The following CACNA1B variants were observed in gnomAD, a reference collection of about 807,000 sequenced individuals.
The protein encoded by CACNA1B is calcium voltage-gated channel subunit alpha1 B.
Under a neutral mutation model 247.2 loss-of-function variants are expected in CACNA1B, and 70 were observed. The observed-to-expected ratio is 0.28, with a 90% CI of 0.23 to 0.35. The LOEUF is 0.35. Among genes scored for constraint, CACNA1B ranks in the 10% least tolerant of loss-of-function variants. CACNA1B has a pLI of 1.00. For missense variants in CACNA1B, 2,367 were observed against 3,197.4 expected (o/e 0.74, Z 6.26); for synonymous variants, 1,231 against 1,294.4 (o/e 0.95, Z 1.05).
In CACNA1B at chr9:138,102,699, A is replaced by G; in HGVS notation, c.5223-12A>G. 1 of 1,586,578 alleles carries G rather than the reference A, an allele frequency of 6.3e-7. No individual in the cohort carries two copies. Among genetic ancestry groups the G allele is most frequent in the African/African-American group, 1.4e-5 (1 of 74,062 alleles). ...CCCACTGTGCCCTGGCCTCGCTGGG[A>G]CGGGTTTCCAGTGGGCGCATCAGTT... On this transcript the variant is annotated splice_polypyrimidine_tract_variant and intron_variant, in intron 37 of 46. Transcript: ENST00000371372. The surrounding 1 kb of genome is among the most constrained non-coding windows in gnomAD (Gnocchi z 5.4).
At chr9:138,080,995 A>G (rs1176726589) in intron 36 of CACNA1B, among the ~76,000 whole-genome samples, 10 of 152,214 alleles carry the variant, frequency 6.6e-5, no homozygotes. Context: ...TCATCTCCTG[A>G]TCCCTCCGAA....
chr9:137,980,005 C>T (rs949622938), intron 12 of CACNA1B, among the ~76,000 whole-genome samples: 26 of 152,304 alleles, frequency 1.7e-4, no homozygotes, highest in South Asian at 1.0e-3. Flanking sequence ...GACAGGAAGC[C>T]CTCTGGGCTC....
At chr9:138,111,048 C>A (rs985762295) in intron 39 of CACNA1B, among the ~76,000 whole-genome samples, 5 of 151,444 alleles carry the variant, frequency 3.3e-5, no homozygotes, top group African/African-American at 9.7e-5. Context: ...TTCAGAATGA[C>A]AATACTTAGT....
rs769016773 is a variant in CACNA1B at position 138,057,718 on chromosome 9, G to A, written c.3969-14G>A. On this transcript the variant is annotated splice_polypyrimidine_tract_variant and intron_variant, in intron 26 of 46. Coordinates refer to ENST00000371372, the MANE Select transcript of CACNA1B (RefSeq NM_000718.4). This position sits in a 1 kb window ranked among gnomAD's most constrained non-coding sequence, Gnocchi z 4.0. ...TTGTCTTTGCCCTCTAACCTCCCAT[G>A]TTCTCATTCCTAGGGGTCAGTATTT... 3.4e-5 allele frequency: 55 copies of A among 1,600,148 alleles called. No homozygotes were observed. Among genetic ancestry groups the A allele is most frequent in the Non-Finnish European group, 4.3e-5 (50 of 1,168,904 alleles).
chr9:137,920,887 G>A (rs1023329075), intron 6 of CACNA1B, among the ~76,000 whole-genome samples: 2 of 152,176 alleles, frequency 1.3e-5, no homozygotes, highest in African/African-American at 2.4e-5. Flanking sequence ...AGGGAGAATC[G>A]GGAGACACGA....
chr9:138,092,183 G>A (rs751428760), intron 36 of CACNA1B, among the ~76,000 whole-genome samples: 3 of 152,154 alleles, frequency 2.0e-5, no homozygotes, highest in Non-Finnish European at 4.4e-5. Context: ...CAGGAAACCT[G>A]GTTTGAGAGC....
rs754123154 is a variant in CACNA1B at position 137,963,823 on chromosome 9, G to A, written c.1333+6136G>A. Among the ~76,000 whole-genome samples the A allele has an allele frequency of 4.6e-5, 7 of 152,132 alleles. No homozygotes were observed. The South Asian group carries it at 6.2e-4, about 14-fold the overall frequency. ...GTTTACTTCAGTTTGTTTTTGCAGC[G>A]GCTAGTAATGGTTTTTCCTTTCCAT... On this transcript the variant is annotated intron_variant, in intron 10 of 46. Coordinates refer to ENST00000371372, the MANE Select transcript of CACNA1B (RefSeq NM_000718.4).
rs532901195 is a variant in CACNA1B at position 137,920,302 on chromosome 9, T to G, written c.966+2871T>G. ...ACCTCTGCCTCCTTGGTTCAAGTGA[T>G]TCTCATGCCTCAGCCTCCTAAGTAG... On this transcript the variant is annotated intron_variant, in intron 6 of 46. Coordinates refer to ENST00000371372, the MANE Select transcript of CACNA1B (RefSeq NM_000718.4). 5.3e-5 allele frequency among the ~76,000 whole-genome samples: 8 copies of G among 152,326 alleles called. No homozygotes were observed. The East Asian group carries it at 1.5e-3, about 29-fold the overall frequency.
intron 6 of CACNA1B, among the ~76,000 whole-genome samples, chr9:137,933,661 G>T (rs934510485): frequency 6.6e-6 from 1 of 152,206 alleles, no homozygotes; most frequent in Non-Finnish European, 1.5e-5. Context: ...GATTGGGCTG[G>T]GATCAGGATG....
chr9:138,052,223 TGTGTGTGTGTGCGTGTGTGTGTGTGC>T lies in CACNA1B; in HGVS notation c.3807+47_3807+72del. On this transcript the variant is annotated intron_variant, in intron 25 of 46. Coordinates refer to ENST00000371372, the MANE Select transcript of CACNA1B (RefSeq NM_000718.4). This position sits in a 1 kb window ranked among gnomAD's most constrained non-coding sequence, Gnocchi z 5.1. ...TGGAGTTGGGGCTTGAGGGATGTGC[TGTGTGTGTGTGCGTGTGTGTGTGTGC>T]GTGTGTGTGTGTGTATGCATGCAGT... 1 of 1,117,528 alleles carries T rather than the reference TGTGTGTGTGTGCGTGTGTGTGTGTGC, an allele frequency of 8.9e-7. No individual in the cohort carries two copies. Among genetic ancestry groups the T allele is most frequent in the African/African-American group, 1.7e-5 (1 of 60,584 alleles). The allele number at this position is 1,117,528 out of a possible 1,614,324, so 69.2% of individuals were successfully genotyped here.
At position 138,043,049 on chromosome 9, in the gene CACNA1B, T is replaced by C. The variant is rs17065807; in HGVS notation, c.3287-725T>C. Among the ~76,000 whole-genome samples, 708 of 152,300 alleles carry C rather than the reference T, an allele frequency of 4.6e-3. 5 individuals carry two copies. Among genetic ancestry groups the C allele is most frequent in the African/African-American group, 0.016 (649 of 41,560 alleles). On this transcript the variant is annotated intron_variant, in intron 20 of 46. Coordinates refer to ENST00000371372, the MANE Select transcript of CACNA1B (RefSeq NM_000718.4). Reference sequence around the variant, plus strand: ...TAGGATAGTTGAAAATGAAGAATTATTGTGAGAAAAACACTGGGCAGGGAC... The same window carrying C: ...TAGGATAGTTGAAAATGAAGAATTACTGTGAGAAAAACACTGGGCAGGGAC...
At chr9:138,019,653 G>A (rs1356381631) in intron 18 of CACNA1B, among the ~76,000 whole-genome samples, 1 of 152,082 alleles carries the variant, frequency 6.6e-6, no homozygotes, top group Non-Finnish European at 1.5e-5. Flanking sequence ...CCCCCGCCCT[G>A]CCCAGTGCTT....
rs1049165253 is a variant in CACNA1B at position 138,079,071 on chromosome 9, G to A, written c.5094+813G>A. On this transcript the variant is annotated intron_variant, in intron 36 of 46. Transcript: ENST00000371372. Reference sequence around the variant, plus strand: ...GCTGCATGCTATTTGCTGGATCCCTGTTAATGCGAAGCTTAGTGCAGTGAC... The same window carrying A: ...GCTGCATGCTATTTGCTGGATCCCTATTAATGCGAAGCTTAGTGCAGTGAC... Among the ~76,000 whole-genome samples, 5 of 152,186 alleles carry A rather than the reference G, an allele frequency of 3.3e-5. No homozygotes were observed. In the East Asian group the frequency reaches 9.7e-4, roughly 29 times the overall value.
In CACNA1B at chr9:137,986,903, C is replaced by G. The variant is rs73669833; in HGVS notation, c.1974+49C>G. 2.1e-3 allele frequency: 3,009 copies of G among 1,402,750 alleles called. 56 individuals are homozygous for G. In the African/African-American group the frequency reaches 0.038, roughly 18 times the overall value. 86.9% of individuals were successfully genotyped at this position (1,402,750 alleles called of 1,614,324 possible). ...TGCGGCCTGCCCGGCTCCCGTCTCC[C>G]CTGGGTGCTGGGAAGGCGGACTCTC... On this transcript the variant is annotated intron_variant, in intron 15 of 46. Coordinates refer to ENST00000371372, the MANE Select transcript of CACNA1B (RefSeq NM_000718.4). The surrounding 1 kb of genome is among the most constrained non-coding windows in gnomAD (Gnocchi z 6.0).
At position 138,122,793 on chromosome 9, in the gene CACNA1B, C is replaced by T. The variant is rs201561706; in HGVS notation, c.*794C>T. ...CCGGTCCAGGTGGACGTAGACGGCC[C>T]CTGGCTCTGCTGCTCTTGACCAAGT... is the stretch of plus-strand genomic sequence containing the variant. On this transcript the variant is annotated 3_prime_UTR_variant, in exon 47 of 47. Transcript: ENST00000371372. The T allele has an allele frequency of 6.6e-6, 1 of 152,254 alleles. No individual in the cohort carries two copies. The highest frequency in any genetic ancestry group is 1.5e-5 in the Non-Finnish European group (1 of 68,058). 9.4% of individuals were successfully genotyped at this position (152,254 alleles called of 1,614,324 possible).
intron 36 of CACNA1B, among the ~76,000 whole-genome samples, chr9:138,091,017 C>G (rs1257819302): frequency 3.3e-5 from 5 of 152,180 alleles, no homozygotes; most frequent in African/African-American, 1.2e-4. Context: ...TGTGTGTGAT[C>G]TAGCAATTCC....
chr9:137,967,251 GT>G (rs1384984471), intron 10 of CACNA1B, among the ~76,000 whole-genome samples: 1 of 152,014 alleles, frequency 6.6e-6, no homozygotes, highest in African/African-American at 2.4e-5. Flanking sequence ...AGATGTACTA[GT>G]TCCATCACTC....
rs1956900278 is a variant in CACNA1B, at chr9:137,880,348, A to G, written c.390+1189A>G. Among the ~76,000 whole-genome samples the G allele has an allele frequency of 6.6e-6, 1 of 152,178 alleles. No individual in the cohort carries two copies. Among genetic ancestry groups the G allele is most frequent in the Non-Finnish European group, 1.5e-5 (1 of 68,020 alleles). On this transcript the variant is annotated intron_variant, in intron 2 of 46. Coordinates refer to ENST00000371372, the MANE Select transcript of CACNA1B (RefSeq NM_000718.4). The surrounding 1 kb of genome is among the most constrained non-coding windows in gnomAD (Gnocchi z 4.8). ...CCACACCATGAGGCAGGCGTGAGTC[A>G]TGGTCCCTGTGGGGGACTTGGGCAG...
chr9:138,027,436 C>T (rs1035866758), intron 20 of CACNA1B, among the ~76,000 whole-genome samples: 5 of 152,236 alleles, frequency 3.3e-5, no homozygotes, highest in African/African-American at 9.6e-5. Context: ...TGCAAATATA[C>T]TTCTAACTCT....
Sources: allele counts gnomAD v4.1 joint callset (sites outside exome capture counted in the v4.1 genomes callset), GRCh38; gene constraint gnomAD v4.1.1; non-coding constraint Gnocchi (gnomAD v3.1); transcripts MANE v1.5; gene names NCBI Gene and HGNC (gene_info 2026-07-23, HGNC 2026-07-21).